CENPW: variants seen among roughly 807,000 people sequenced by gnomAD.
The protein encoded by CENPW is centromere protein W.
In CENPW, 3 loss-of-function variants were observed where a neutral mutation model predicts 11.1. The ratio of observed to expected loss-of-function variants is 0.27; its 90% CI spans 0.12 to 0.70. The LOEUF is 0.70. Ranked by LOEUF, CENPW falls within the 30% of genes least tolerant of loss-of-function variation. The probability of loss-of-function intolerance (pLI) is 0.77; values close to 1 mark genes in which losing one functional copy is unlikely to be tolerated. For missense variants in CENPW, 100 were observed against 105.6 expected (o/e 0.95, Z 0.23); for synonymous variants, 38 against 42.0 (o/e 0.91, Z 0.37).
At chr6:126,407,545 C>G in the CENPW span, among the ~76,000 whole-genome samples, 1 of 152,182 alleles carries the variant, frequency 6.6e-6, no homozygotes, top group Non-Finnish European at 1.5e-5. Flanking sequence ...TTTTCATACT[C>G]CCACCAATAG....
the CENPW span, among the ~76,000 whole-genome samples, chr6:126,418,352 A>T: frequency 6.6e-6 from 1 of 152,214 alleles, no homozygotes; most frequent in Admixed American, 6.5e-5. Flanking sequence ...ATAGTCCATT[A>T]ATCAGCTGAT....
chr6:126,379,086 A>T, the CENPW span, among the ~76,000 whole-genome samples: 2 of 152,116 alleles, frequency 1.3e-5, no homozygotes, highest in Non-Finnish European at 2.9e-5. Context: ...TCTGATTGAA[A>T]TTTTTTAACT....
the CENPW span, among the ~76,000 whole-genome samples, chr6:126,361,865 C>T: frequency 6.6e-6 from 1 of 152,184 alleles, no homozygotes; most frequent in African/African-American, 2.4e-5. Context: ...AGTGGGGGCT[C>T]CTCTGCTTAA....
chr6:126,383,979 GAA>G, the CENPW span, among the ~76,000 whole-genome samples: 1 of 152,032 alleles, frequency 6.6e-6, no homozygotes. Flanking sequence ...AACATACTCT[GAA>G]ATTGATCACA....
the CENPW span, among the ~76,000 whole-genome samples, chr6:126,360,748 T>A: frequency 6.6e-6 from 1 of 152,150 alleles, no homozygotes; most frequent in Non-Finnish European, 1.5e-5. Context: ...GAAATTTCCA[T>A]AGTGAATTTT....
the CENPW span, among the ~76,000 whole-genome samples, chr6:126,361,443 C>T: frequency 6.6e-6 from 1 of 152,060 alleles, no homozygotes; most frequent in Non-Finnish European, 1.5e-5. Flanking sequence ...CTACAGGCGC[C>T]GGCTACCACG....
At chr6:126,353,849 G>A (rs1182698205), downstream of CENPW, among the ~76,000 whole-genome samples, 1 of 151,772 alleles carries the variant, frequency 6.6e-6, no homozygotes, top group African/African-American at 2.4e-5. Flanking sequence ...TTTCTCATCT[G>A]TTTCATCTGC....
At chr6:126,383,506 T>A in the CENPW span, among the ~76,000 whole-genome samples, 1 of 151,812 alleles carries the variant, frequency 6.6e-6, no homozygotes, top group Non-Finnish European at 1.5e-5. Flanking sequence ...CAAAACCCAA[T>A]GGGATGCTGT....
At chr6:126,465,165 C>A in the CENPW span, among the ~76,000 whole-genome samples, 1 of 152,030 alleles carries the variant, frequency 6.6e-6, no homozygotes, top group Non-Finnish European at 1.5e-5. Flanking sequence ...TAATAAGACA[C>A]AAAGTCAATA....
the CENPW span, among the ~76,000 whole-genome samples, chr6:126,473,231 C>G: frequency 6.6e-6 from 1 of 152,122 alleles, no homozygotes; most frequent in East Asian, 1.9e-4. Flanking sequence ...ACATGTAGGC[C>G]TTTTTGTTTT....
chr6:126,476,967 C>T, the CENPW span, among the ~76,000 whole-genome samples: 1 of 151,862 alleles, frequency 6.6e-6, no homozygotes, highest in Non-Finnish European at 1.5e-5. Context: ...TAGCTTAATT[C>T]TCCCTATATA....
the CENPW span, among the ~76,000 whole-genome samples, chr6:126,410,668 CT>C: frequency 1.3e-5 from 2 of 151,508 alleles, no homozygotes; most frequent in South Asian, 4.2e-4. Flanking sequence ...TCCTGTAAGT[CT>C]TGTTGGCTTA....
the CENPW span, among the ~76,000 whole-genome samples, chr6:126,414,677 A>T: frequency 2.0e-5 from 3 of 152,080 alleles, no homozygotes; most frequent in Non-Finnish European, 4.4e-5. Context: ...AAAAAAGTAA[A>T]AAGATTTCAA....
At chr6:126,390,011 A>G in the CENPW span, among the ~76,000 whole-genome samples, 2 of 151,932 alleles carry the variant, frequency 1.3e-5, no homozygotes, top group Non-Finnish European at 2.9e-5. Context: ...ATTTTCTCAC[A>G]GAGGTGATTC....
the CENPW span, among the ~76,000 whole-genome samples, chr6:126,474,368 G>T: frequency 6.6e-6 from 1 of 152,040 alleles, no homozygotes; most frequent in African/African-American, 2.4e-5. Context: ...TGTAAACCTT[G>T]TGGGTTTAAA....
chr6:126,344,647 T>A (rs1780373046), intron 1 of CENPW, among the ~76,000 whole-genome samples: 1 of 152,212 alleles, frequency 6.6e-6, no homozygotes, highest in African/African-American at 2.4e-5. Flanking sequence ...CTTGTGAGAA[T>A]CAATGAAGAT....
the CENPW span, among the ~76,000 whole-genome samples, chr6:126,382,274 A>G: frequency 1.3e-5 from 2 of 152,052 alleles, no homozygotes; most frequent in African/African-American, 2.4e-5. Flanking sequence ...AGGTCATTAA[A>G]TGGGATTAAA....
At chr6:126,463,105 C>A in the CENPW span, among the ~76,000 whole-genome samples, 1 of 151,954 alleles carries the variant, frequency 6.6e-6, no homozygotes, top group African/African-American at 2.4e-5. Context: ...TCCTAATTTA[C>A]TTCGTGACAT....
the CENPW span, among the ~76,000 whole-genome samples, chr6:126,466,280 G>T: frequency 6.6e-6 from 1 of 152,054 alleles, no homozygotes; most frequent in Admixed American, 6.6e-5. Flanking sequence ...GGGAGGTAAG[G>T]CTAAGTAACT....
Sources: gnomAD v4.1 joint callset for allele counts (sites outside exome capture counted in the v4.1 genomes callset) on GRCh38, gnomAD v4.1.1 for gene constraint, MANE v1.5 for transcripts, NCBI Gene and HGNC (gene_info 2026-07-23, HGNC 2026-07-21) for gene names.